BRINP2: variants seen among roughly 807,000 people sequenced by gnomAD.
BRINP2 encodes BMP/retinoic acid-inducible neural-specific protein 2.
Under a neutral mutation model 69.2 loss-of-function variants are expected in BRINP2, and 21 were observed. The ratio of observed to expected loss-of-function variants is 0.30; its 90% CI spans 0.22 to 0.44. The LOEUF (loss-of-function observed/expected upper bound fraction) is 0.44, where lower values mean the gene tolerates loss of function less well. Ranked by LOEUF, BRINP2 falls within the 20% of genes least tolerant of loss-of-function variation. BRINP2 has a pLI of 1.00. For synonymous variants in BRINP2, 380 were observed against 394.1 expected (o/e 0.96, Z 0.42); for missense variants, 877 against 986.0 (o/e 0.89, Z 1.48).
In BRINP2 at chr1:177,171,295, C is replaced by T. The variant is rs1227389559; in HGVS notation, c.-514C>T. On this transcript the variant is annotated 5_prime_UTR_variant, in exon 1 of 8. Transcript: ENST00000361539. ...GGCAAAATCTTGGGTTTCTCCTCGG[C>T]GGAGGGACAGGGGACTCCCCCAGTT... 1.3e-5 allele frequency among the ~76,000 whole-genome samples: 2 copies of T among 152,198 alleles called. No homozygotes were observed. The highest frequency in any genetic ancestry group is 4.8e-5 in the African/African-American group (2 of 41,464).
At chr1:177,270,186 C>T (rs1247870526) in intron 4 of BRINP2, among the ~76,000 whole-genome samples, 2 of 152,016 alleles carry the variant, frequency 1.3e-5, no homozygotes, top group African/African-American at 4.8e-5. Context: ...ACCTCCTTTA[C>T]TTCTGAAGGG....
At chr1:177,191,347 C>T (rs1648588907) in intron 1 of BRINP2, among the ~76,000 whole-genome samples, 1 of 152,178 alleles carries the variant, frequency 6.6e-6, no homozygotes, top group Non-Finnish European at 1.5e-5. Flanking sequence ...GAATAAAACT[C>T]TGGAGAACAT....
chr1:177,237,874 CT>C (rs1650077654), intron 2 of BRINP2, among the ~76,000 whole-genome samples: 2 of 152,096 alleles, frequency 1.3e-5, no homozygotes, highest in Admixed American at 1.3e-4. Flanking sequence ...GTCATATGGT[CT>C]TTTTTTCTCT....
chr1:177,182,888 T>A (rs1287215065), intron 1 of BRINP2, among the ~76,000 whole-genome samples: 1 of 152,242 alleles, frequency 6.6e-6, no homozygotes, highest in Non-Finnish European at 1.5e-5. Context: ...AAGTCTGATA[T>A]GTAGAATGCT....
chr1:177,241,941 G>A (rs957783953), intron 2 of BRINP2, among the ~76,000 whole-genome samples: 1 of 152,186 alleles, frequency 6.6e-6, no homozygotes, highest in African/African-American at 2.4e-5. Context: ...CAAGTTCAAA[G>A]GATTACATCC....
intron 1 of BRINP2, among the ~76,000 whole-genome samples, chr1:177,216,779 GTTTT>G (rs35697447): frequency 7.9e-6 from 1 of 126,600 alleles, no homozygotes. Flanking sequence ...TTGGTTGGTA[GTTTT>G]TTTTTTTTTT....
chr1:177,217,906 C>T (rs1404979134), intron 1 of BRINP2, among the ~76,000 whole-genome samples: 1 of 152,148 alleles, frequency 6.6e-6, no homozygotes, highest in Non-Finnish European at 1.5e-5. Flanking sequence ...GGTGTAATTC[C>T]CTGGCCAGGT....
intron 1 of BRINP2, among the ~76,000 whole-genome samples, chr1:177,190,171 C>T (rs759865079): frequency 4.6e-5 from 7 of 152,292 alleles, no homozygotes; most frequent in African/African-American, 1.7e-4. Flanking sequence ...ATATGAGTCC[C>T]TAACTCATAC....
At chr1:177,182,881 T>G (rs1432930149) in intron 1 of BRINP2, among the ~76,000 whole-genome samples, 1 of 152,222 alleles carries the variant, frequency 6.6e-6, no homozygotes, top group Non-Finnish European at 1.5e-5. Flanking sequence ...ACTCATCAAG[T>G]CTGATATGTA....
intron 1 of BRINP2, among the ~76,000 whole-genome samples, chr1:177,211,333 A>G (rs569757781): frequency 1.3e-5 from 2 of 152,260 alleles, no homozygotes; most frequent in Admixed American, 1.3e-4. Flanking sequence ...ATGCAAGACT[A>G]TAAATAACTC....
At chr1:177,249,063 A>C (rs190692436) in intron 2 of BRINP2, among the ~76,000 whole-genome samples, 1 of 152,276 alleles carries the variant, frequency 6.6e-6, no homozygotes, top group East Asian at 1.9e-4. Flanking sequence ...AGTGTTATGC[A>C]ATTTGGGATA....
chr1:177,193,389 C>A (rs1415701688), intron 1 of BRINP2, among the ~76,000 whole-genome samples: 1 of 152,252 alleles, frequency 6.6e-6, no homozygotes, highest in African/African-American at 2.4e-5. Context: ...AGACAAAAAT[C>A]ATCTGTGTTA....
At chr1:177,274,093 GT>G (rs1651419283) in intron 5 of BRINP2, among the ~76,000 whole-genome samples, 2 of 152,312 alleles carry the variant, frequency 1.3e-5, no homozygotes, top group South Asian at 4.1e-4. Flanking sequence ...CCTGCTTTCT[GT>G]TATTTGTCTG....
At chr1:177,203,287 A>G (rs571602529) in intron 1 of BRINP2, among the ~76,000 whole-genome samples, 12 of 152,178 alleles carry the variant, frequency 7.9e-5, no homozygotes, top group Non-Finnish European at 7.4e-5. Context: ...ATGAGAACAC[A>G]TGGACACAGG....
chr1:177,204,526 T>G (rs967362163), intron 1 of BRINP2, among the ~76,000 whole-genome samples: 1 of 151,968 alleles, frequency 6.6e-6, no homozygotes, highest in Non-Finnish European at 1.5e-5. Flanking sequence ...TAAGAAAATA[T>G]GTTTAAGAAA....
At chr1:177,217,156 G>C (rs567424643) in intron 1 of BRINP2, among the ~76,000 whole-genome samples, 2 of 151,174 alleles carry the variant, frequency 1.3e-5, no homozygotes, top group East Asian at 1.9e-4. Flanking sequence ...TAGGTTTCTT[G>C]TTTGATGATG....
Position 177,230,099 on chromosome 1 carries a change from A to T in BRINP2, c.223A>T (p.Met75Leu), listed in dbSNP as rs1352943230. The change falls in exon 2 of 8, where the codon ATG (methionine) becomes TTG (leucine). Residue 75 changes from methionine (M) to leucine (L), a missense_variant. Around this residue, in one of 3 missense-constraint regions of BRINP2, gnomAD observed 566 missense variants for 625.2 expected, o/e 0.91. Coordinates refer to ENST00000361539, the MANE Select transcript of BRINP2 (RefSeq NM_021165.4). The stretch of plus-strand genomic sequence containing the variant: ...CCGCGCTCAGGAGTATGCTGACTTC[A>T]TGGAGCGGTACCGCCAGGGTTTCAC... ...FHRAQEYADF[M>L]ERYRQGFTTR... 3 of 1,613,386 alleles carry T rather than the reference A, an allele frequency of 1.9e-6. No individual in the cohort carries two copies. The highest frequency in any genetic ancestry group is 2.5e-6 in the Non-Finnish European group (3 of 1,179,740).
chr1:177,276,085 C>A, intron 5 of BRINP2, 113 bp from the exon 6 acceptor site: 1 of 1,004,216 alleles, frequency 1.0e-6, no homozygotes, highest in Non-Finnish European at 1.5e-6. Flanking sequence ...CATGCTTGGG[C>A]CCAGGATGCA....
At chr1:177,198,026 T>G (rs911795871) in intron 1 of BRINP2, among the ~76,000 whole-genome samples, 13 of 152,146 alleles carry the variant, frequency 8.5e-5, no homozygotes, top group Non-Finnish European at 1.6e-4. Flanking sequence ...AATATGGTGA[T>G]TTGCTGAGGG....
Sources: gnomAD v4.1 joint callset for allele counts (sites outside exome capture counted in the v4.1 genomes callset) on GRCh38, gnomAD v4.1.1 for gene constraint, gnomAD v4.1.1 regional missense constraint, MANE v1.5 for transcripts, NCBI Gene and HGNC (gene_info 2026-07-23, HGNC 2026-07-21) for gene names.